Variants in RALGAPA2 observed in about 807,000 individuals in gnomAD.
RALGAPA2 encodes Ral GTPase activating protein catalytic subunit alpha 2, also known as ral GTPase-activating protein subunit alpha-2.
Under a neutral mutation model 230.4 loss-of-function variants are expected in RALGAPA2, and 139 were observed. The ratio of observed to expected loss-of-function variants is 0.60; its 90% CI spans 0.53 to 0.69. RALGAPA2 has a LOEUF of 0.69. Among genes scored for constraint, RALGAPA2 ranks in the 30% least tolerant of loss-of-function variants. RALGAPA2 has a pLI of 0.00. For synonymous variants in RALGAPA2, 847 were observed against 837.8 expected (o/e 1.01, Z -0.19); for missense variants, 2,163 against 2,276.0 (o/e 0.95, Z 1.01).
Position 20,392,054 on chromosome 20 carries a change from G to A in RALGAPA2, c.*1235C>T, listed in dbSNP as rs1208745158. On this transcript the variant is annotated 3_prime_UTR_variant, in exon 40 of 40. Coordinates refer to ENST00000202677, the MANE Select transcript of RALGAPA2 (RefSeq NM_020343.4). ...TCAAGGGTCCAGGACACAGCCTGGG[G>A]CCTGCGCCAGCAGCTCTTCGCTGCT... 1 of 152,296 alleles carries A rather than the reference G, an allele frequency of 6.6e-6. No individual in the cohort carries two copies. The highest frequency in any genetic ancestry group is 1.5e-5 in the Non-Finnish European group (1 of 68,084). 9.4% of individuals were successfully genotyped at this position (152,296 alleles called of 1,614,324 possible).
chr20:20,430,243 A>G (rs886357427), intron 37 of RALGAPA2, among the ~76,000 whole-genome samples: 2 of 152,228 alleles, frequency 1.3e-5, no homozygotes, highest in Admixed American at 6.5e-5. Context: ...GCAGCTGGCA[A>G]AACAGCAACG....
intron 3 of RALGAPA2, among the ~76,000 whole-genome samples, chr20:20,673,595 T>C (rs903690602): frequency 2.6e-5 from 4 of 151,084 alleles, no homozygotes; most frequent in African/African-American, 9.7e-5. Context: ...AACCAGAAAA[T>C]ATGAATAATA....
At chr20:20,487,550 T>G (rs371517812) in intron 36 of RALGAPA2, among the ~76,000 whole-genome samples, 3 of 152,260 alleles carry the variant, frequency 2.0e-5, no homozygotes, top group African/African-American at 2.4e-5. Flanking sequence ...TTAGATGAGG[T>G]AGGAGACTAG....
chr20:20,699,710 T>C (rs1268771187), intron 1 of RALGAPA2, among the ~76,000 whole-genome samples: 3 of 152,174 alleles, frequency 2.0e-5, no homozygotes, highest in Admixed American at 2.0e-4. Flanking sequence ...AAAAAAGTGC[T>C]CATCATCACT....
intron 18 of RALGAPA2, among the ~76,000 whole-genome samples, chr20:20,587,281 G>A (rs979273124): frequency 2.0e-5 from 3 of 151,964 alleles, no homozygotes; most frequent in African/African-American, 7.3e-5. Context: ...GAAAGAGGTG[G>A]GAAAACTATA....
At chr20:20,649,448 A>G (rs748062522) in intron 4 of RALGAPA2, among the ~76,000 whole-genome samples, 1 of 152,058 alleles carries the variant, frequency 6.6e-6, no homozygotes, top group Non-Finnish European at 1.5e-5. Context: ...GCAAAAAACA[A>G]ATTTTCAGCT....
At chr20:20,563,792 C>T (rs1324268179) in intron 23 of RALGAPA2, among the ~76,000 whole-genome samples, 1 of 152,012 alleles carries the variant, frequency 6.6e-6, no homozygotes, top group Non-Finnish European at 1.5e-5. Flanking sequence ...AGTACTACAT[C>T]CTACCTCTCC....
intron 25 of RALGAPA2, 61 bp from the exon 26 acceptor site, chr20:20,535,864 C>T (rs898103354): frequency 3.3e-6 from 5 of 1,512,380 alleles, no homozygotes; most frequent in Non-Finnish European, 4.4e-6. Flanking sequence ...CCCACATGTT[C>T]TGACCATGTT....
intron 1 of RALGAPA2, among the ~76,000 whole-genome samples, chr20:20,684,791 T>C (rs1326890025): frequency 1.2e-4 from 19 of 152,206 alleles, no homozygotes; most frequent in Admixed American, 1.2e-3. Flanking sequence ...AAGGCAGAAA[T>C]CTCATCTGCT....
chr20:20,625,419 T>G (rs2066463039), intron 10 of RALGAPA2, among the ~76,000 whole-genome samples: 1 of 152,248 alleles, frequency 6.6e-6, no homozygotes, highest in Non-Finnish European at 1.5e-5. Flanking sequence ...GTTTATCTAA[T>G]GAACATAGAT....
At chr20:20,536,884 A>G (rs1318555227) in intron 24 of RALGAPA2, 100 bp from the exon 25 acceptor site, 1 of 1,335,280 alleles carries the variant, frequency 7.5e-7, no homozygotes, top group Non-Finnish European at 1.0e-6. Context: ...AAAAAATACC[A>G]AACTTGGCCG....
chr20:20,510,383 T>G (rs1287953123), intron 33 of RALGAPA2, among the ~76,000 whole-genome samples: 1 of 152,168 alleles, frequency 6.6e-6, no homozygotes, highest in Non-Finnish European at 1.5e-5. Flanking sequence ...GATTTGAAAA[T>G]TTTTGAGTTA....
intron 20 of RALGAPA2, among the ~76,000 whole-genome samples, chr20:20,574,093 C>T (rs991381727): frequency 3.9e-5 from 6 of 152,210 alleles, no homozygotes; most frequent in African/African-American, 1.2e-4. Flanking sequence ...ACTTGTTCTA[C>T]ATCCTTGCTA....
At chr20:20,461,924 C>A (rs969854287) in intron 37 of RALGAPA2, among the ~76,000 whole-genome samples, 1 of 152,092 alleles carries the variant, frequency 6.6e-6, no homozygotes, top group African/African-American at 2.4e-5. Flanking sequence ...TGTTCCATGA[C>A]AAGCAGACCC....
chr20:20,582,933 G>A (rs1211951072), intron 20 of RALGAPA2, 117 bp downstream of exon 20: 1 of 1,111,616 alleles, frequency 9.0e-7, no homozygotes, highest in Non-Finnish European at 1.3e-6. Flanking sequence ...GTGGTCAGGA[G>A]CATGGCACAC....
intron 37 of RALGAPA2, among the ~76,000 whole-genome samples, chr20:20,449,551 G>A (rs2060941427): frequency 6.6e-6 from 1 of 152,218 alleles, no homozygotes; most frequent in Non-Finnish European, 1.5e-5. Context: ...AAAGCAGCTA[G>A]CCAGCTAATG....
At chr20:20,673,616 T>C (rs2068216546) in intron 3 of RALGAPA2, among the ~76,000 whole-genome samples, 1 of 151,526 alleles carries the variant, frequency 6.6e-6, no homozygotes, top group Non-Finnish European at 1.5e-5. Context: ...CTAAAACAAG[T>C]CTAAAACTAT....
At chr20:20,495,008 CA>C in intron 36 of RALGAPA2, 108 bp downstream of exon 36, 1 of 1,009,448 alleles carries the variant, frequency 9.9e-7, no homozygotes, top group Non-Finnish European at 1.4e-6. Context: ...AGACATTCAA[CA>C]ACTGGATGAG....
chr20:20,526,521 C>T (rs1208485702), intron 27 of RALGAPA2, among the ~76,000 whole-genome samples, 159 bp from the exon 28 acceptor site: 3 of 152,118 alleles, frequency 2.0e-5, no homozygotes, highest in African/African-American at 7.2e-5. Context: ...AGAGTTTAGA[C>T]ATCGTCACAT....
Sources: gnomAD v4.1 joint callset for allele counts (sites outside exome capture counted in the v4.1 genomes callset) on GRCh38, gnomAD v4.1.1 for gene constraint, MANE v1.5 for transcripts, NCBI Gene and HGNC (gene_info 2026-07-23, HGNC 2026-07-21) for gene names.